The following GRM7 variants were observed in gnomAD, a reference collection of about 807,000 sequenced individuals.
GRM7 encodes the protein glutamate metabotropic receptor 7.
A neutral mutation model predicts 84.5 loss-of-function variants in GRM7; 35 were observed. That is an observed-to-expected ratio of 0.41 (90% CI 0.32 to 0.55). The LOEUF (loss-of-function observed/expected upper bound fraction) is 0.55, where lower values mean the gene tolerates loss of function less well. Among genes scored for constraint, GRM7 ranks in the 20% least tolerant of loss-of-function variants. The probability of loss-of-function intolerance (pLI) is 0.19; values close to 1 mark genes in which losing one functional copy is unlikely to be tolerated. For missense variants in GRM7, 1,003 were observed against 1,194.6 expected, an observed-to-expected ratio of 0.84 and a Z score of 2.36; for synonymous variants, 487 against 455.1, an observed-to-expected ratio of 1.07 and a Z score of -0.89.
At position 7,609,505 on chromosome 3, in the gene GRM7, C is replaced by T. The variant is rs111268258; in HGVS notation, c.2451+30148C>T. Among the ~76,000 whole-genome samples, 51 of 152,080 alleles carry T rather than the reference C, an allele frequency of 3.4e-4. 1 individual carries two copies. The highest frequency in any genetic ancestry group is 1.2e-3 in the African/African-American group (49 of 41,508). On this transcript the variant is annotated intron_variant, in intron 8 of 9. Transcript: ENST00000357716. ...GACCACAAGTGAAACTTGCAGAGCTCGTGGAACAGAAGATGAGCCTTTCCT... is the reference window on the plus strand; with the variant it reads ...GACCACAAGTGAAACTTGCAGAGCTTGTGGAACAGAAGATGAGCCTTTCCT...
intron 8 of GRM7, among the ~76,000 whole-genome samples, chr3:7,644,420 A>C (rs1559459999): frequency 6.6e-6 from 1 of 152,300 alleles, no homozygotes; most frequent in East Asian, 1.9e-4. Context: ...GCACAGGCCT[A>C]ATTCCTCAGT....
intron 2 of GRM7, among the ~76,000 whole-genome samples, chr3:7,293,651 T>G (rs62234950): frequency 0.39 from 59,165 of 152,060 alleles, 12,004 homozygotes; most frequent in Middle Eastern, 0.47. Flanking sequence ...AGAGGGAGAA[T>G]GTAGTGTGCT....
chr3:7,537,620 A>G (rs1178552515), intron 7 of GRM7, among the ~76,000 whole-genome samples: 1 of 152,196 alleles, frequency 6.6e-6, no homozygotes, highest in Non-Finnish European at 1.5e-5. Context: ...TGCTACATTG[A>G]TTAGACTTTA....
intron 4 of GRM7, among the ~76,000 whole-genome samples, chr3:7,400,915 T>C (rs757800655): frequency 1.1e-4 from 17 of 152,178 alleles, no homozygotes; most frequent in Non-Finnish European, 2.4e-4. Flanking sequence ...AGGATGTTTG[T>C]GAGAATTGAA....
At chr3:7,396,100 A>G (rs938929339) in intron 4 of GRM7, among the ~76,000 whole-genome samples, 13 of 152,234 alleles carry the variant, frequency 8.5e-5, no homozygotes, top group African/African-American at 2.9e-4. Context: ...TTAATTCATG[A>G]TTTTTATCTC....
chr3:7,694,463 A>G (rs1022339211), intron 9 of GRM7: 7 of 734,186 alleles, frequency 9.5e-6, no homozygotes, highest in Non-Finnish European at 1.0e-5. Flanking sequence ...ATGTCAAGCA[A>G]TCCATCTGCA....
intron 1 of GRM7, among the ~76,000 whole-genome samples, chr3:7,072,497 C>T (rs1697919053): frequency 6.6e-6 from 1 of 151,952 alleles, no homozygotes; most frequent in African/African-American, 2.4e-5. Flanking sequence ...GCCTTGGCAA[C>T]ATAGTGAGAC....
intron 1 of GRM7, among the ~76,000 whole-genome samples, chr3:6,895,654 A>T (rs1384579370): frequency 6.6e-6 from 1 of 152,170 alleles, no homozygotes; most frequent in African/African-American, 2.4e-5. Flanking sequence ...AGAGCATTTG[A>T]GTAAGTTAAT....
intron 1 of GRM7, among the ~76,000 whole-genome samples, chr3:7,038,164 T>G (rs1158551359): frequency 6.6e-6 from 1 of 152,174 alleles, no homozygotes; most frequent in African/African-American, 2.4e-5. Flanking sequence ...AGCTGATGCC[T>G]AGTACCCTTA....
intron 8 of GRM7, among the ~76,000 whole-genome samples, chr3:7,638,671 A>G (rs1698217493): frequency 6.6e-6 from 1 of 152,218 alleles, no homozygotes; most frequent in South Asian, 2.1e-4. Context: ...ATCCAAATGG[A>G]AGGCCATTTC....
intron 1 of GRM7, among the ~76,000 whole-genome samples, chr3:6,996,838 A>T (rs1694844791): frequency 6.6e-6 from 1 of 152,206 alleles, no homozygotes; most frequent in Admixed American, 6.5e-5. Context: ...CCAGAATCAA[A>T]ATCCCTGACA....
chr3:7,286,724 C>T (rs771130397), intron 2 of GRM7, among the ~76,000 whole-genome samples: 7 of 152,054 alleles, frequency 4.6e-5, no homozygotes, highest in Non-Finnish European at 1.0e-4. Flanking sequence ...CATGTCTCTT[C>T]CTCTCTTCTT....
At chr3:7,664,376 G>A (rs1291950556) in intron 8 of GRM7, among the ~76,000 whole-genome samples, 1 of 152,142 alleles carries the variant, frequency 6.6e-6, no homozygotes, top group African/African-American at 2.4e-5. Flanking sequence ...ATTCTGATAT[G>A]GGTATTTCAT....
At chr3:7,680,463 C>T in intron 9 of GRM7, 168 bp downstream of exon 9, 2 of 644,562 alleles carry the variant, frequency 3.1e-6, no homozygotes, top group Non-Finnish European at 2.7e-6. Flanking sequence ...CTCATTCCTG[C>T]CACCATTTTC....
chr3:6,950,722 C>A (rs1373031937), intron 1 of GRM7, among the ~76,000 whole-genome samples: 1 of 152,216 alleles, frequency 6.6e-6, no homozygotes, highest in African/African-American at 2.4e-5. Context: ...AGCTTCAGGG[C>A]CGCTTTGTTT....
At chr3:7,029,097 A>G (rs1237659440) in intron 1 of GRM7, among the ~76,000 whole-genome samples, 2 of 152,190 alleles carry the variant, frequency 1.3e-5, no homozygotes, top group Non-Finnish European at 2.9e-5. Context: ...TGAGGTCAGG[A>G]GTTCAAGACC....
Position 6,883,688 on chromosome 3 carries a change from G to C in GRM7, c.519+21781G>C, listed in dbSNP as rs1199121856. On this transcript the variant is annotated intron_variant, in intron 1 of 9. Coordinates refer to ENST00000357716, the MANE Select transcript of GRM7 (RefSeq NM_000844.4). The stretch of plus-strand genomic sequence containing the variant: ...CAGATAAGCATAATTAATTTTGTTA[G>C]TATTAGCAAGAACAGCCTAGGAAAG... Among the ~76,000 whole-genome samples, 3 of 152,310 alleles carry C rather than the reference G, an allele frequency of 2.0e-5. No homozygotes were observed. In the South Asian group the frequency reaches 6.2e-4, roughly 32 times the overall value.
intron 1 of GRM7, among the ~76,000 whole-genome samples, chr3:6,975,787 C>T (rs1055846003): frequency 2.0e-5 from 3 of 152,068 alleles, no homozygotes; most frequent in Admixed American, 2.0e-4. Flanking sequence ...AGGACATGAT[C>T]TACAATTTGA....
chr3:7,264,084 G>T (rs1161766906), intron 2 of GRM7, among the ~76,000 whole-genome samples: 1 of 152,088 alleles, frequency 6.6e-6, no homozygotes, highest in Non-Finnish European at 1.5e-5. Flanking sequence ...CTATGATGCA[G>T]GCTCTCAGGA....
Sources: gnomAD v4.1 joint callset for allele counts (sites outside exome capture counted in the v4.1 genomes callset) on GRCh38, gnomAD v4.1.1 for gene constraint, MANE v1.5 for transcripts, NCBI Gene and HGNC (gene_info 2026-07-23, HGNC 2026-07-21) for gene names.